ASTN2: variants seen among roughly 807,000 people sequenced by gnomAD.
ASTN2 encodes astrotactin-2.
ASTN2 carries 54 observed loss-of-function variants against 139.8 expected under a neutral mutation model. The observed-to-expected ratio is 0.39, with a 90% CI of 0.31 to 0.48. The LOEUF is 0.48. ASTN2 is among the 20% of genes least tolerant of loss of function. ASTN2 has a pLI of 0.95. For missense variants in ASTN2, 1,565 were observed against 1,725.1 expected (o/e 0.91, Z 1.64); for synonymous variants, 756 against 719.5 (o/e 1.05, Z -0.81).
chr9:117,409,893 T>G (rs1831114091), intron 1 of ASTN2, among the ~76,000 whole-genome samples: 1 of 152,242 alleles, frequency 6.6e-6, no homozygotes, highest in Non-Finnish European at 1.5e-5. Flanking sequence ...GAACATTTGC[T>G]GACCTGAACA....
chr9:117,219,128 A>G lies in ASTN2; in HGVS notation c.631-4386T>C, dbSNP rs79696776. Among the ~76,000 whole-genome samples the G allele has an allele frequency of 2.4e-4, 37 of 152,334 alleles. No homozygotes were observed. In the East Asian group the frequency reaches 7.0e-3, roughly 29 times the overall value. ...CTGGCTGCTTCTGTCATAGTGAGAC[A>G]TCTCACCCAAAGAATGCAGATGAGT... On this transcript the variant is annotated intron_variant, in intron 2 of 22. Transcript: ENST00000313400.
chr9:116,735,400 T>G (rs1037949017), intron 13 of ASTN2, among the ~76,000 whole-genome samples: 1 of 152,224 alleles, frequency 6.6e-6, no homozygotes, highest in African/African-American at 2.4e-5. Context: ...TAGCCAGGAC[T>G]AAATGTCCTC....
At chr9:116,999,860 A>G (rs1279046649) in intron 7 of ASTN2, among the ~76,000 whole-genome samples, 2 of 152,016 alleles carry the variant, frequency 1.3e-5, no homozygotes, top group Non-Finnish European at 2.9e-5. Context: ...ATGCCTGGCC[A>G]GTAATTTTTT....
intron 22 of ASTN2, among the ~76,000 whole-genome samples, 181 bp downstream of exon 22, chr9:116,440,428 A>G (rs1588060143): frequency 1.3e-5 from 2 of 152,268 alleles, no homozygotes; most frequent in East Asian, 1.9e-4. Context: ...CAGGAATCTA[A>G]AGTTCCAAGA....
intron 15 of ASTN2, among the ~76,000 whole-genome samples, chr9:116,727,547 G>A (rs1317784862): frequency 1.4e-5 from 2 of 146,196 alleles, no homozygotes; most frequent in African/African-American, 5.1e-5. Flanking sequence ...AAAATAGGGG[G>A]CTCAAAGAAT....
intron 13 of ASTN2, among the ~76,000 whole-genome samples, chr9:116,790,997 A>G (rs1182273344): frequency 2.5e-5 from 3 of 121,034 alleles, no homozygotes; most frequent in African/African-American, 9.1e-5. Flanking sequence ...GAAAGAAAGA[A>G]AGAAAGAAAG....
chr9:117,329,607 G>T (rs191932826), intron 1 of ASTN2, among the ~76,000 whole-genome samples: 77 of 152,238 alleles, frequency 5.1e-4, no homozygotes, highest in African/African-American at 1.6e-3. Context: ...TCAACCAAAT[G>T]ACAAAGGGGG....
At chr9:116,694,263 T>C in intron 16 of ASTN2, among the ~76,000 whole-genome samples, 1 of 152,132 alleles carries the variant, frequency 6.6e-6, no homozygotes, top group East Asian at 1.9e-4. Flanking sequence ...TTTTTACAAG[T>C]TGGCAGCCTT....
At chr9:116,632,127 GAA>G (rs1491136502) in intron 17 of ASTN2, among the ~76,000 whole-genome samples, 1 of 45,556 alleles carries the variant, frequency 2.2e-5, no homozygotes, top group Non-Finnish European at 4.3e-5. Flanking sequence ...AAAAGAAAAA[GAA>G]GAGAGAGAGA....
chr9:117,301,709 T>A (rs889366493), intron 1 of ASTN2, among the ~76,000 whole-genome samples: 2 of 152,174 alleles, frequency 1.3e-5, no homozygotes, highest in Non-Finnish European at 2.9e-5. Context: ...GCTCTGCCTA[T>A]CCATTTCATC....
intron 13 of ASTN2, among the ~76,000 whole-genome samples, chr9:116,750,391 C>T (rs775348716): frequency 2.0e-5 from 3 of 152,228 alleles, no homozygotes; most frequent in African/African-American, 4.8e-5. Context: ...TGGTTGGGGT[C>T]GCATTTCTGA....
chr9:116,658,672 C>A (rs763469512), intron 16 of ASTN2, among the ~76,000 whole-genome samples: 32 of 151,520 alleles, frequency 2.1e-4, no homozygotes, highest in Middle Eastern at 3.5e-3. Context: ...GGACCAGAGA[C>A]CGCAAAGCCA....
rs1356053789 is a variant in ASTN2 at position 117,381,953 on chromosome 9, C to T, written c.442+32544G>A. On this transcript the variant is annotated intron_variant, in intron 1 of 22. Transcript: ENST00000313400. Reference sequence around the variant, plus strand: ...ACCAAGGGAGAGAAGATATGGTTCACAGGGAGAATAGAGGTCAAGGTCAAT... The same window carrying T: ...ACCAAGGGAGAGAAGATATGGTTCATAGGGAGAATAGAGGTCAAGGTCAAT... Among the ~76,000 whole-genome samples, 5 of 152,086 alleles carry T rather than the reference C, an allele frequency of 3.3e-5. No homozygotes were observed. The East Asian group carries it at 7.7e-4, about 23-fold the overall frequency.
chr9:116,690,400 A>G (rs1333978007), intron 16 of ASTN2, among the ~76,000 whole-genome samples: 1 of 152,196 alleles, frequency 6.6e-6, no homozygotes, highest in East Asian at 1.9e-4. Flanking sequence ...CACCTATGTT[A>G]CATTATAGTA....
intron 2 of ASTN2, among the ~76,000 whole-genome samples, chr9:117,229,261 C>T (rs1389206471): frequency 6.6e-6 from 1 of 152,158 alleles, no homozygotes; most frequent in Non-Finnish European, 1.5e-5. Context: ...TCCCCGCCCC[C>T]AAGCCCTACC....
chr9:116,646,477 A>C (rs1857595510), intron 17 of ASTN2, among the ~76,000 whole-genome samples: 1 of 152,144 alleles, frequency 6.6e-6, no homozygotes, highest in Non-Finnish European at 1.5e-5. Context: ...AGTTGGAGAA[A>C]AAATGATAAA....
intron 19 of ASTN2, among the ~76,000 whole-genome samples, chr9:116,586,795 A>T (rs2131723574): frequency 9.1e-6 from 1 of 109,490 alleles, no homozygotes; most frequent in East Asian, 2.4e-4. Context: ...CCAAAAATCT[A>T]AAATACCAGT....
intron 20 of ASTN2, among the ~76,000 whole-genome samples, chr9:116,469,306 G>T (rs910370219): frequency 2.7e-5 from 4 of 150,266 alleles, no homozygotes; most frequent in Admixed American, 6.7e-5. Context: ...CTCTCAAGTG[G>T]TTTTTTTTTT....
chr9:116,696,129 A>G (rs1860838516), intron 16 of ASTN2, among the ~76,000 whole-genome samples: 1 of 152,136 alleles, frequency 6.6e-6, no homozygotes, highest in South Asian at 2.1e-4. Flanking sequence ...GCTTCAAAAC[A>G]TTCATCACCT....
Sources: allele counts gnomAD v4.1 joint callset (sites outside exome capture counted in the v4.1 genomes callset), GRCh38; gene constraint gnomAD v4.1.1; transcripts MANE v1.5; gene names NCBI Gene and HGNC (gene_info 2026-07-23, HGNC 2026-07-21).